CNTNAP5: variants seen among roughly 807,000 people sequenced by gnomAD.
The protein encoded by CNTNAP5 is contactin-associated protein-like 5.
CNTNAP5 carries 72 observed loss-of-function variants against 150.2 expected under a neutral mutation model. That is an observed-to-expected ratio of 0.48 (90% CI 0.40 to 0.58). CNTNAP5 has a LOEUF of 0.58. Ranked by LOEUF, CNTNAP5 falls within the 20% of genes least tolerant of loss-of-function variation. The pLI is 0.00. For missense variants in CNTNAP5, 1,636 were observed against 1,626.2 expected (o/e 1.01, Z -0.10); for synonymous variants, 672 against 619.8 (o/e 1.08, Z -1.25).
chr2:124,452,401 G>C lies in CNTNAP5; in HGVS notation c.918+5464G>C, dbSNP rs574106105. ...AGTTGCCACAAGACCTGCCCAAGTA[G>C]AGTCTGAGTTCAGACATGCCTAGCC... On this transcript the variant is annotated intron_variant, in intron 6 of 23. Transcript: ENST00000682447. Among the ~76,000 whole-genome samples, 2 of 152,180 alleles carry C rather than the reference G, an allele frequency of 1.3e-5. 1 individual carries two copies. Among genetic ancestry groups the C allele is most frequent in the African/African-American group, 4.8e-5 (2 of 41,490 alleles).
intron 13 of CNTNAP5, among the ~76,000 whole-genome samples, chr2:124,681,772 C>T (rs1679074693): frequency 6.6e-6 from 1 of 152,106 alleles, no homozygotes; most frequent in Non-Finnish European, 1.5e-5. Context: ...CCATTTTAGC[C>T]AGGATGGTCT....
At chr2:124,390,520 C>T (rs185579584) in intron 3 of CNTNAP5, among the ~76,000 whole-genome samples, 182 of 152,258 alleles carry the variant, frequency 1.2e-3, no homozygotes, top group Non-Finnish European at 1.9e-3. Flanking sequence ...TAAATAGAAA[C>T]ATACTGGAAG....
intron 8 of CNTNAP5, among the ~76,000 whole-genome samples, chr2:124,523,878 A>C (rs1453713297): frequency 1.3e-5 from 2 of 152,276 alleles, no homozygotes; most frequent in Non-Finnish European, 1.5e-5. Flanking sequence ...CTAAAATTGT[A>C]GGAAAGTATG....
intron 3 of CNTNAP5, 147 bp downstream of exon 3, chr2:124,242,540 C>A (rs1686913773): frequency 1.3e-6 from 1 of 744,274 alleles, no homozygotes; most frequent in Non-Finnish European, 2.1e-6. Flanking sequence ...ATTTTTAAGG[C>A]CCATGCCCGG....
chr2:124,187,373 T>A lies in CNTNAP5; in HGVS notation c.83-34332T>A, dbSNP rs77268249. 9.5e-4 allele frequency among the ~76,000 whole-genome samples: 144 copies of A among 152,292 alleles called. 3 individuals carry two copies. In the East Asian group the frequency reaches 0.025, roughly 27 times the overall value. On this transcript the variant is annotated intron_variant, in intron 1 of 23. Coordinates refer to ENST00000682447, the MANE Select transcript of CNTNAP5 (RefSeq NM_001367498.1). ...GGAAGAGCTAGAATTTGAGCTAAGA[T>A]CTGCCTGATTTCAGTGGTTAGATCC...
At chr2:124,400,964 C>A (rs1019448147) in intron 3 of CNTNAP5, among the ~76,000 whole-genome samples, 27 of 151,976 alleles carry the variant, frequency 1.8e-4, no homozygotes, top group Non-Finnish European at 2.5e-4. Flanking sequence ...CTCCGCCTCC[C>A]GGGTTCAAGC....
chr2:124,086,876 C>T (rs993462472), intron 1 of CNTNAP5, among the ~76,000 whole-genome samples: 1 of 151,516 alleles, frequency 6.6e-6, no homozygotes, highest in African/African-American at 2.4e-5. Flanking sequence ...TGTCTCTTCT[C>T]TGCTTTCTTT....
rs140407373 is a variant in CNTNAP5 at position 124,867,904 on chromosome 2, T to C, written c.3349-1771T>C. Among the ~76,000 whole-genome samples the C allele has an allele frequency of 9.1e-4, 139 of 152,330 alleles. 1 individual carries two copies. Among genetic ancestry groups the C allele is most frequent in the African/African-American group, 3.0e-3 (125 of 41,576 alleles). ...TAAGTAAATAGTTAAAATTGACTTA[T>C]TAGGAAGTTCTCCTGAAACAATGAC... On this transcript the variant is annotated intron_variant, in intron 20 of 23. Transcript: ENST00000682447.
intron 1 of CNTNAP5, among the ~76,000 whole-genome samples, chr2:124,061,419 C>T (rs1283457026): frequency 2.6e-5 from 4 of 152,090 alleles, no homozygotes; most frequent in Non-Finnish European, 5.9e-5. Context: ...CTAATAGAAG[C>T]TACTCTGACC....
intron 5 of CNTNAP5, among the ~76,000 whole-genome samples, chr2:124,440,378 G>C (rs1015650231): frequency 1.3e-5 from 2 of 152,018 alleles, no homozygotes; most frequent in Admixed American, 1.3e-4. Flanking sequence ...TTAAACATGA[G>C]AGTTCCCATC....
At chr2:124,424,217 G>C (rs1692188365) in intron 4 of CNTNAP5, among the ~76,000 whole-genome samples, 1 of 152,110 alleles carries the variant, frequency 6.6e-6, no homozygotes, top group African/African-American at 2.4e-5. Context: ...CCTCTTTGTT[G>C]CTGTTCTCAT....
At chr2:124,173,308 C>T (rs1447449240) in intron 1 of CNTNAP5, among the ~76,000 whole-genome samples, 2 of 152,188 alleles carry the variant, frequency 1.3e-5, no homozygotes, top group African/African-American at 4.8e-5. Flanking sequence ...AGATTTGCAC[C>T]TCTCTCACTT....
At chr2:124,730,223 T>G (rs1680241897) in intron 13 of CNTNAP5, among the ~76,000 whole-genome samples, 2 of 151,948 alleles carry the variant, frequency 1.3e-5, no homozygotes, top group African/African-American at 4.8e-5. Flanking sequence ...AGGTAAAAAA[T>G]GTGTCTTTAG....
At chr2:124,150,210 G>T (rs1684372393) in intron 1 of CNTNAP5, among the ~76,000 whole-genome samples, 1 of 152,126 alleles carries the variant, frequency 6.6e-6, no homozygotes, top group African/African-American at 2.4e-5. Flanking sequence ...AAAACATTTA[G>T]ATTTGTTTGC....
intron 3 of CNTNAP5, among the ~76,000 whole-genome samples, chr2:124,393,897 G>A (rs58381298): frequency 6.6e-6 from 1 of 152,126 alleles, no homozygotes; most frequent in African/African-American, 2.4e-5. Context: ...CTCTATATAC[G>A]AATGAACAAC....
At chr2:124,782,069 A>G (rs562419709) in intron 17 of CNTNAP5, among the ~76,000 whole-genome samples, 3 of 152,270 alleles carry the variant, frequency 2.0e-5, no homozygotes, top group Admixed American at 6.5e-5. Flanking sequence ...TTTCTTTTTT[A>G]TAATACCTCC....
At chr2:124,467,347 G>A (rs1262336176) in intron 6 of CNTNAP5, among the ~76,000 whole-genome samples, 1 of 150,342 alleles carries the variant, frequency 6.7e-6, no homozygotes, top group Non-Finnish European at 1.5e-5. Context: ...AATGTTGGAG[G>A]GAGCCAATCA....
chr2:124,581,220 T>C (rs570436794), intron 11 of CNTNAP5, among the ~76,000 whole-genome samples: 2 of 152,334 alleles, frequency 1.3e-5, no homozygotes, highest in East Asian at 3.9e-4. Context: ...AAAATTCTTC[T>C]CCGAACATGA....
rs1365475038 is a variant in CNTNAP5 at position 124,868,279 on chromosome 2, G to T, written c.3349-1396G>T. Among the ~76,000 whole-genome samples, 3 of 152,096 alleles carry T rather than the reference G, an allele frequency of 2.0e-5. No individual in the cohort carries two copies. In the South Asian group the frequency reaches 6.2e-4, roughly 32 times the overall value. Reference sequence around the variant, plus strand: ...AGAAAAAGTCAAAGGTCTTCCAGTGGCTTATAAGGATCTCCATTATCTGAC... The same window carrying T: ...AGAAAAAGTCAAAGGTCTTCCAGTGTCTTATAAGGATCTCCATTATCTGAC... On this transcript the variant is annotated intron_variant, in intron 20 of 23. Coordinates refer to ENST00000682447, the MANE Select transcript of CNTNAP5 (RefSeq NM_001367498.1).
Sources: gnomAD v4.1 joint callset for allele counts (sites outside exome capture counted in the v4.1 genomes callset) on GRCh38, gnomAD v4.1.1 for gene constraint, MANE v1.5 for transcripts, NCBI Gene and HGNC (gene_info 2026-07-23, HGNC 2026-07-21) for gene names.